Variants in RBM6 observed in about 807,000 individuals in gnomAD.
RBM6 encodes RNA binding motif protein 6.
A neutral mutation model predicts 140.4 loss-of-function variants in RBM6; 23 were observed. The observed-to-expected ratio is 0.16, with a 90% CI of 0.12 to 0.23. The LOEUF (loss-of-function observed/expected upper bound fraction) is 0.23, where lower values mean the gene tolerates loss of function less well. Among genes scored for constraint, RBM6 ranks in the 10% least tolerant of loss-of-function variants. The pLI is 1.00. For missense variants in RBM6, 1,139 were observed against 1,386.7 expected (o/e 0.82, Z 2.84); for synonymous variants, 439 against 475.6 (o/e 0.92, Z 1.00).
At chr3:50,007,985 A>AC (rs2086664876) in intron 6 of RBM6, among the ~76,000 whole-genome samples, 1 of 152,008 alleles carries the variant, frequency 6.6e-6, no homozygotes, top group African/African-American at 2.4e-5. Flanking sequence ...AGTCCTAGCT[A>AC]CTCTGGAGGC....
At chr3:49,972,178 G>A (rs1374051071) in intron 4 of RBM6, 30 bp downstream of exon 4, 4 of 1,511,048 alleles carry the variant, frequency 2.6e-6, no homozygotes, top group Admixed American at 2.0e-5. Flanking sequence ...CTGTTTCTCT[G>A]TGTCAATTAA....
intron 6 of RBM6, among the ~76,000 whole-genome samples, chr3:50,037,361 A>G (rs954341069): frequency 2.6e-5 from 4 of 152,174 alleles, no homozygotes; most frequent in Non-Finnish European, 4.4e-5. Context: ...TGATCATACA[A>G]CACCAGTGCA....
At chr3:49,984,694 A>C (rs990764090) in intron 5 of RBM6, among the ~76,000 whole-genome samples, 3 of 151,254 alleles carry the variant, frequency 2.0e-5, no homozygotes, top group African/African-American at 7.4e-5. Flanking sequence ...ACATAACATA[A>C]ATTTTCAAGG....
chr3:49,946,245 C>CT (rs113679247), intron 1 of RBM6, among the ~76,000 whole-genome samples: 4,991 of 146,076 alleles, frequency 0.034, 297 homozygotes, highest in African/African-American at 0.12. Flanking sequence ...TATTTTCTTT[C>CT]TTTTTTTTTT....
chr3:50,020,115 G>A (rs913639000), intron 6 of RBM6, among the ~76,000 whole-genome samples: 15 of 152,010 alleles, frequency 9.9e-5, no homozygotes, highest in African/African-American at 4.8e-5. Flanking sequence ...TAAAGATGAA[G>A]TCTCTCTATT....
At chr3:49,947,081 C>CAA (rs1186088231) in intron 1 of RBM6, among the ~76,000 whole-genome samples, 24 of 106,014 alleles carry the variant, frequency 2.3e-4, no homozygotes, top group Non-Finnish European at 4.0e-4. Context: ...ACTAAAAATA[C>CAA]AAAAAAAAAA....
intron 1 of RBM6, among the ~76,000 whole-genome samples, chr3:49,953,634 C>T (rs1168340639): frequency 6.6e-6 from 1 of 151,942 alleles, no homozygotes; most frequent in East Asian, 1.9e-4. Flanking sequence ...ATCCTTCTGC[C>T]ACAGCCTCCT....
chr3:50,049,850 T>C (rs1303904919), intron 7 of RBM6, among the ~76,000 whole-genome samples: 1 of 135,086 alleles, frequency 7.4e-6, no homozygotes, highest in African/African-American at 2.7e-5. Context: ...CTAGAACTTC[T>C]TTTTTTTTTT....
intron 7 of RBM6, among the ~76,000 whole-genome samples, chr3:50,051,637 A>G (rs900753634): frequency 1.3e-5 from 2 of 152,242 alleles, no homozygotes; most frequent in Admixed American, 1.3e-4. Context: ...GTGAAACTCC[A>G]TCTCAAAAAC....
intron 6 of RBM6, among the ~76,000 whole-genome samples, chr3:50,035,181 G>C (rs927499159): frequency 6.6e-6 from 1 of 152,076 alleles, no homozygotes; most frequent in African/African-American, 2.4e-5. Context: ...AGGGTCATAA[G>C]GCAGAAGGAG....
At position 49,979,087 on chromosome 3, in the gene RBM6, A is replaced by G. The variant is rs140918051; in HGVS notation, c.1483+3695A>G. Among the ~76,000 whole-genome samples, 853 of 152,338 alleles carry G rather than the reference A, an allele frequency of 5.6e-3. 11 individuals carry two copies. Among genetic ancestry groups the G allele is most frequent in the African/African-American group, 0.019 (781 of 41,566 alleles). ...AAAGAAACTAGACTCATAAGGATATATACACTACCATAAGGAGGAATGAAA... is the reference window on the plus strand; with the variant it reads ...AAAGAAACTAGACTCATAAGGATATGTACACTACCATAAGGAGGAATGAAA... On this transcript the variant is annotated intron_variant, in intron 5 of 20. Coordinates refer to ENST00000266022, the MANE Select transcript of RBM6 (RefSeq NM_005777.3).
chr3:49,949,493 A>G (rs1450653016), intron 1 of RBM6, among the ~76,000 whole-genome samples: 1 of 151,780 alleles, frequency 6.6e-6, no homozygotes, highest in Non-Finnish European at 1.5e-5. Flanking sequence ...CCCGGGTTCA[A>G]GCGATTCTCC....
intron 1 of RBM6, among the ~76,000 whole-genome samples, chr3:49,954,137 G>GAAA (rs34880436): frequency 4.4e-5 from 6 of 137,140 alleles, no homozygotes; most frequent in Admixed American, 1.5e-4. Context: ...TAAGGTCTCA[G>GAAA]AAAAAAAAAA....
chr3:49,964,574 A>G (rs2084423206), intron 2 of RBM6, among the ~76,000 whole-genome samples: 1 of 152,222 alleles, frequency 6.6e-6, no homozygotes, highest in Admixed American at 6.5e-5. Context: ...GAATAGTTGT[A>G]ACAGAGATTG....
intron 5 of RBM6, among the ~76,000 whole-genome samples, chr3:49,993,031 T>TC (rs534875973): frequency 6.5e-4 from 99 of 152,296 alleles, no homozygotes; most frequent in African/African-American, 2.2e-3. Context: ...GAATAATTAC[T>TC]CCCCCTTTTG....
chr3:50,028,064 G>GT (rs36080040), intron 6 of RBM6, among the ~76,000 whole-genome samples: 4,903 of 146,956 alleles, frequency 0.033, 101 homozygotes, highest in Middle Eastern at 0.06. Flanking sequence ...TTTTGTACTT[G>GT]TTTTTTTTTT....
intron 20 of RBM6, 54 bp downstream of exon 20, chr3:50,075,384 T>C (rs2090431367): frequency 6.3e-7 from 1 of 1,593,870 alleles, no homozygotes; most frequent in East Asian, 2.2e-5. Context: ...TGTAATTAAC[T>C]TTCACTTTCT....
intron 6 of RBM6, among the ~76,000 whole-genome samples, chr3:50,002,709 T>C (rs1192928564): frequency 6.6e-6 from 1 of 152,170 alleles, no homozygotes; most frequent in Admixed American, 6.5e-5. Flanking sequence ...CAATTATAAT[T>C]ATAAGAAAAT....
chr3:50,028,572 T>A (rs1294353965), intron 6 of RBM6, among the ~76,000 whole-genome samples: 1 of 152,168 alleles, frequency 6.6e-6, no homozygotes, highest in Non-Finnish European at 1.5e-5. Context: ...GCTTGGGTAG[T>A]TCAGGGTAAT....
Sources: allele counts gnomAD v4.1 joint callset (sites outside exome capture counted in the v4.1 genomes callset), GRCh38; gene constraint gnomAD v4.1.1; transcripts MANE v1.5; gene names NCBI Gene and HGNC (gene_info 2026-07-23, HGNC 2026-07-21).